PRKG1: variants seen among roughly 807,000 people sequenced by gnomAD.
PRKG1 encodes protein kinase cGMP-dependent 1, also known as cGMP-dependent protein kinase 1.
In PRKG1, 35 loss-of-function variants were observed where a neutral mutation model predicts 88.1. That is an observed-to-expected ratio of 0.40 (90% CI 0.30 to 0.53). The LOEUF (loss-of-function observed/expected upper bound fraction) is 0.53. Ranked by LOEUF, PRKG1 falls within the 20% of genes least tolerant of loss-of-function variation. The probability of loss-of-function intolerance (pLI) is 0.59; values close to 1 mark genes in which losing one functional copy is unlikely to be tolerated. For synonymous variants in PRKG1, 303 were observed against 292.5 expected (o/e 1.04, Z -0.37); for missense variants, 540 against 839.8 (o/e 0.64, Z 4.41).
intron 7 of PRKG1, among the ~76,000 whole-genome samples, chr10:52,116,874 T>C (rs1847699061): frequency 6.6e-6 from 1 of 152,006 alleles, no homozygotes; most frequent in Non-Finnish European, 1.5e-5. Context: ...GCAGAGAACT[T>C]AGGTATCTGA....
intron 1 of PRKG1, among the ~76,000 whole-genome samples, chr10:51,088,832 A>ATTTTT (rs2131861243): frequency 6.7e-6 from 1 of 149,180 alleles, no homozygotes; most frequent in South Asian, 2.1e-4. Flanking sequence ...TTTTTGTCAA[A>ATTTTT]TGAAGGACAA....
chr10:51,649,143 G>A (rs1171444261), intron 3 of PRKG1, among the ~76,000 whole-genome samples: 1 of 152,082 alleles, frequency 6.6e-6, no homozygotes, highest in Non-Finnish European at 1.5e-5. Flanking sequence ...TTTGCCCCTA[G>A]GATTCAAATG....
intron 7 of PRKG1, among the ~76,000 whole-genome samples, chr10:52,096,777 T>G (rs1357558376): frequency 6.6e-6 from 1 of 152,196 alleles, no homozygotes; most frequent in African/African-American, 2.4e-5. Flanking sequence ...TGAGTCATTT[T>G]ACTATAGTAA....
At chr10:52,112,623 T>C (rs548603864) in intron 7 of PRKG1, among the ~76,000 whole-genome samples, 1 of 152,292 alleles carries the variant, frequency 6.6e-6, no homozygotes, top group African/African-American at 2.4e-5. Context: ...TTTCTCTGCT[T>C]TTTCTATTCC....
intron 5 of PRKG1, among the ~76,000 whole-genome samples, chr10:51,956,914 A>T (rs917248808): frequency 2.0e-5 from 3 of 151,738 alleles, no homozygotes; most frequent in African/African-American, 7.3e-5. Context: ...AATTTCAGGG[A>T]GTCTTGAAAG....
intron 1 of PRKG1, among the ~76,000 whole-genome samples, chr10:50,995,375 T>A (rs1842827478): frequency 1.3e-5 from 2 of 152,166 alleles, no homozygotes; most frequent in African/African-American, 4.8e-5. Flanking sequence ...GCTCTCAGCA[T>A]AAGTATCAAG....
rs780758539 is a variant in PRKG1 at position 51,074,600 on chromosome 10, T to C, written c.10T>C (p.Leu4=). 2 of 1,610,750 alleles carry C rather than the reference T, an allele frequency of 1.2e-6. No individual in the cohort carries two copies. The highest frequency in any genetic ancestry group is 2.7e-5 in the African/African-American group (2 of 74,842). Residue 4 remains leucine, a synonymous_variant, in exon 1 of 18, where the codon TTG becomes CTG. Coordinates refer to ENST00000373980, the MANE Select transcript of PRKG1 (RefSeq NM_006258.4). MGT[L]RDLQYALQEK... ...GGCAGCCCGGAGGAGCATGGGCACC[T>C]TGCGGGATTTACAGTACGCGCTCCA...
chr10:51,925,130 A>T (rs1842545733), intron 5 of PRKG1, among the ~76,000 whole-genome samples: 1 of 150,268 alleles, frequency 6.7e-6, no homozygotes, highest in Non-Finnish European at 1.5e-5. Context: ...ATGCCTCGTA[A>T]TTTTTTTGAA....
At chr10:51,746,765 AAAAAGAAAAG>A (rs542475929) in intron 3 of PRKG1, among the ~76,000 whole-genome samples, 4 of 151,982 alleles carry the variant, frequency 2.6e-5, no homozygotes, top group African/African-American at 9.7e-5. Flanking sequence ...AGAAAGAAAA[AAAAAGAAAAG>A]AAAAGAAAAA....
chr10:52,192,752 A>T lies in PRKG1; in HGVS notation c.1076+30789A>T, dbSNP rs141871083. 6.2e-3 allele frequency among the ~76,000 whole-genome samples: 936 copies of T among 152,148 alleles called. 5 individuals are homozygous for T. The highest frequency in any genetic ancestry group is 0.02 in the African/African-American group (811 of 41,554). ...TAAGTATTTATATAAAAAGAAAAAA[A>T]ATATATATTTGTTTGGATGTATAAC... On this transcript the variant is annotated intron_variant, in intron 9 of 17. Coordinates refer to ENST00000373980, the MANE Select transcript of PRKG1 (RefSeq NM_006258.4).
chr10:51,811,985 T>A (rs1227645105), intron 4 of PRKG1, among the ~76,000 whole-genome samples: 5 of 152,224 alleles, frequency 3.3e-5, no homozygotes, highest in African/African-American at 1.2e-4. Context: ...AGTATTTGTA[T>A]GACTTATTAA....
chr10:51,373,365 G>C, intron 2 of PRKG1, among the ~76,000 whole-genome samples: 1 of 152,190 alleles, frequency 6.6e-6, no homozygotes, highest in East Asian at 1.9e-4. Context: ...CAGGGATAGA[G>C]TCTCACCTAA....
intron 3 of PRKG1, among the ~76,000 whole-genome samples, chr10:51,786,446 A>G (rs958480944): frequency 2.0e-5 from 3 of 152,148 alleles, no homozygotes; most frequent in Non-Finnish European, 4.4e-5. Context: ...GAATTTGACC[A>G]GCCTTCTTTT....
chr10:52,285,962 AAC>A (rs761444053), intron 14 of PRKG1, among the ~76,000 whole-genome samples: 1 of 152,136 alleles, frequency 6.6e-6, no homozygotes, highest in Non-Finnish European at 1.5e-5. Context: ...GGAAATAGAA[AAC>A]ACATCAATTA....
At chr10:51,550,986 T>C (rs1165496469) in intron 3 of PRKG1, among the ~76,000 whole-genome samples, 2 of 151,922 alleles carry the variant, frequency 1.3e-5, no homozygotes, top group Non-Finnish European at 2.9e-5. Flanking sequence ...AAACCTTTAT[T>C]AAGAAATACA....
intron 9 of PRKG1, among the ~76,000 whole-genome samples, chr10:52,215,670 A>G (rs1456729762): frequency 6.6e-6 from 1 of 152,148 alleles, no homozygotes; most frequent in East Asian, 1.9e-4. Context: ...ATGAATTTGG[A>G]TGGATAACTT....
At chr10:51,817,349 C>CT (rs945096635) in intron 4 of PRKG1, among the ~76,000 whole-genome samples, 2 of 142,636 alleles carry the variant, frequency 1.4e-5, no homozygotes, top group Non-Finnish European at 3.1e-5. Flanking sequence ...CCTCCCCAAC[C>CT]CCCCCCCTCC....
chr10:51,590,320 C>T (rs543796799), intron 3 of PRKG1, among the ~76,000 whole-genome samples: 1 of 152,104 alleles, frequency 6.6e-6, no homozygotes, highest in Non-Finnish European at 1.5e-5. Context: ...TACCCGCCCC[C>T]CACAATCATT....
chr10:52,024,482 C>G (rs1481874697), intron 5 of PRKG1, among the ~76,000 whole-genome samples: 1 of 151,704 alleles, frequency 6.6e-6, no homozygotes, highest in Non-Finnish European at 1.5e-5. Context: ...CTCCCCCATT[C>G]CCCCACCCCA....
Sources: allele counts gnomAD v4.1 joint callset (sites outside exome capture counted in the v4.1 genomes callset), GRCh38; gene constraint gnomAD v4.1.1; transcripts MANE v1.5; gene names NCBI Gene and HGNC (gene_info 2026-07-23, HGNC 2026-07-21).